Variants in NXPE2 observed in about 807,000 individuals in gnomAD.
NXPE2 encodes neurexophilin and PC-esterase domain family member 2.
NXPE2 carries 34 observed loss-of-function variants against 34.4 expected under a neutral mutation model. The observed-to-expected ratio is 0.99, with a 90% confidence interval of 0.75 to 1.31. The LOEUF (loss-of-function observed/expected upper bound fraction) is 1.31, where lower values mean the gene tolerates loss of function less well. NXPE2 is among the 40% of genes most tolerant of loss of function. NXPE2 has a pLI of 0.00. For synonymous variants in NXPE2, 235 were observed against 231.3 expected (o/e 1.02, Z -0.15); for missense variants, 649 against 672.5 (o/e 0.97, Z 0.39).
intron 3 of NXPE2, 67 bp from the exon 4 acceptor site, chr11:114,703,923 TA>T: frequency 8.7e-7 from 1 of 1,150,278 alleles, no homozygotes; most frequent in Non-Finnish European, 1.3e-6. Flanking sequence ...TTAATCCATC[TA>T]AACCAGTGAT....
At chr11:114,522,188 A>G in the NXPE2 span, 2 of 1,614,092 alleles carry the variant, frequency 1.2e-6, no homozygotes, top group Non-Finnish European at 1.7e-6. Context: ...TTCTGTCTTA[A>G]TAATCACTTT....
the NXPE2 span, among the ~76,000 whole-genome samples, chr11:114,599,025 T>C: frequency 0.19 from 28,793 of 152,240 alleles, 3,103 homozygotes; most frequent in African/African-American, 0.29. Flanking sequence ...CAAACTTTTA[T>C]ACTTTGCTTC....
At chr11:114,531,000 T>A in the NXPE2 span, 11 of 1,293,634 alleles carry the variant, frequency 8.5e-6, no homozygotes, top group East Asian at 2.5e-4. Flanking sequence ...ACAGTGAATA[T>A]TTGTATAATT....
the NXPE2 span, among the ~76,000 whole-genome samples, chr11:114,620,325 A>G: frequency 1.1e-3 from 164 of 152,140 alleles, no homozygotes; most frequent in African/African-American, 3.9e-3. Flanking sequence ...CCTGGTGGAT[A>G]ATAAATATTG....
At chr11:114,799,904 CCTTCCTTCT>C in the NXPE2 span, among the ~76,000 whole-genome samples, 3 of 151,356 alleles carry the variant, frequency 2.0e-5, no homozygotes, top group African/African-American at 7.3e-5. Context: ...TTCTCTTTAT[CCTTCCTTCT>C]CTCTGCACTC....
chr11:114,570,767 CA>C, the NXPE2 span: 2 of 526,960 alleles, frequency 3.8e-6, no homozygotes, highest in Non-Finnish European at 6.6e-6. Flanking sequence ...AGTGGAAGCC[CA>C]GATTAGAAAC....
chr11:114,806,511 G>A, the NXPE2 span, among the ~76,000 whole-genome samples: 1 of 152,180 alleles, frequency 6.6e-6, no homozygotes, highest in Non-Finnish European at 1.5e-5. Flanking sequence ...AGGACCTGAT[G>A]GAGCTGAAAA....
At chr11:114,756,858 T>C in the NXPE2 span, among the ~76,000 whole-genome samples, 1 of 152,124 alleles carries the variant, frequency 6.6e-6, no homozygotes, top group African/African-American at 2.4e-5. Flanking sequence ...AGGAAGGAGA[T>C]GTAATGGTTG....
the NXPE2 span, chr11:114,582,317 A>G: frequency 2.5e-6 from 4 of 1,587,324 alleles, no homozygotes. Context: ...CTTGTTTGCT[A>G]AGATAAGAAA....
the NXPE2 span, among the ~76,000 whole-genome samples, chr11:114,572,241 C>G: frequency 3.9e-5 from 6 of 152,124 alleles, no homozygotes; most frequent in Non-Finnish European, 5.9e-5. Context: ...CCCAGATCTT[C>G]CCTCTGACAT....
At chr11:114,533,613 C>A in the NXPE2 span, among the ~76,000 whole-genome samples, 1 of 152,192 alleles carries the variant, frequency 6.6e-6, no homozygotes, top group African/African-American at 2.4e-5. Context: ...CAATGGGCTT[C>A]ACAAACAGCA....
the NXPE2 span, among the ~76,000 whole-genome samples, chr11:114,602,035 A>G: frequency 4.3e-3 from 389 of 90,812 alleles, 2 homozygotes; most frequent in African/African-American, 0.017. Flanking sequence ...ATGTTATACT[A>G]TATAATATAT....
At chr11:114,526,162 G>A in the NXPE2 span, among the ~76,000 whole-genome samples, 128 of 152,260 alleles carry the variant, frequency 8.4e-4, no homozygotes, top group African/African-American at 2.9e-3. Flanking sequence ...TAAAAACCTG[G>A]AATAAGCAAA....
chr11:114,803,365 G>A, the NXPE2 span, among the ~76,000 whole-genome samples: 5 of 152,288 alleles, frequency 3.3e-5, no homozygotes, highest in South Asian at 4.1e-4. Flanking sequence ...CACTTCAGTC[G>A]CTGTATTAGT....
downstream of NXPE2, among the ~76,000 whole-genome samples, chr11:114,707,869 A>T (rs1004803903): frequency 4.6e-5 from 7 of 152,164 alleles, no homozygotes; most frequent in Non-Finnish European, 1.0e-4. Context: ...ATTTGTCAGA[A>T]TTTTCCTTCA....
the NXPE2 span, among the ~76,000 whole-genome samples, chr11:114,542,357 C>A: frequency 7.2e-5 from 11 of 152,158 alleles, no homozygotes; most frequent in Admixed American, 5.2e-4. Flanking sequence ...ACTATTTTTC[C>A]CAGATCGTTC....
chr11:114,465,903 G>T, the NXPE2 span, among the ~76,000 whole-genome samples: 26 of 152,252 alleles, frequency 1.7e-4, no homozygotes. Flanking sequence ...TTATTGTTTT[G>T]TTATTAATAT....
At chr11:114,753,116 G>A in the NXPE2 span, among the ~76,000 whole-genome samples, 3 of 152,182 alleles carry the variant, frequency 2.0e-5, no homozygotes, top group South Asian at 2.1e-4. Context: ...GCTAGTGAAA[G>A]GTGAAGTGGG....
At chr11:114,640,914 C>A in the NXPE2 span, among the ~76,000 whole-genome samples, 1 of 151,872 alleles carries the variant, frequency 6.6e-6, no homozygotes, top group African/African-American at 2.4e-5. Flanking sequence ...TTCCTGTTTT[C>A]TCTGTTATTT....
Sources: allele counts gnomAD v4.1 joint callset (sites outside exome capture counted in the v4.1 genomes callset), GRCh38; gene constraint gnomAD v4.1.1; transcripts MANE v1.5; gene names NCBI Gene and HGNC (gene_info 2026-07-23, HGNC 2026-07-21).